Variants in RIGI observed in about 807,000 individuals in gnomAD.
RIGI encodes the protein antiviral innate immune response receptor RIG-I.
the RIGI span, among the ~76,000 whole-genome samples, chr9:32,496,937 C>A: frequency 6.6e-6 from 1 of 152,166 alleles, no homozygotes; most frequent in Admixed American, 6.5e-5. Context: ...AGTGCCACAT[C>A]ATTTTGATTG....
the RIGI span, among the ~76,000 whole-genome samples, chr9:32,512,984 A>G: frequency 6.6e-6 from 1 of 152,148 alleles, no homozygotes; most frequent in East Asian, 1.9e-4. Context: ...CTACAAAAAG[A>G]ATAAAATACC....
chr9:32,525,850 A>T, the RIGI span, among the ~76,000 whole-genome samples: 24 of 152,258 alleles, frequency 1.6e-4, no homozygotes, highest in Admixed American at 1.2e-3. Flanking sequence ...TAAGCAAGTC[A>T]CTTCACCTCG....
chr9:32,480,408 G>A, the RIGI span: 2 of 1,467,128 alleles, frequency 1.4e-6, no homozygotes, highest in East Asian at 4.8e-5. Context: ...CACATTCACT[G>A]TATTTAAGTT....
chr9:32,488,094 G>C, the RIGI span: 1 of 1,614,064 alleles, frequency 6.2e-7, no homozygotes. Flanking sequence ...CCCTTTTTAA[G>C]GTTGTTCACA....
chr9:32,471,892 G>A, the RIGI span, among the ~76,000 whole-genome samples: 719 of 152,162 alleles, frequency 4.7e-3, 3 homozygotes, highest in Non-Finnish European at 8.6e-3. Context: ...TCATATTTAT[G>A]AAGTTTAAAA....
At chr9:32,525,938 A>G in the RIGI span, 78 of 797,014 alleles carry the variant, frequency 9.8e-5, no homozygotes, top group South Asian at 8.9e-4. Flanking sequence ...TGCTGCGGAG[A>G]TCTTACCACA....
the RIGI span, among the ~76,000 whole-genome samples, chr9:32,483,310 A>G: frequency 6.6e-6 from 1 of 152,292 alleles, no homozygotes; most frequent in East Asian, 1.9e-4. Context: ...CTTCTTTCCA[A>G]GTTGCAGCTA....
At chr9:32,493,737 T>G in the RIGI span, 1 of 1,430,004 alleles carries the variant, frequency 7.0e-7, no homozygotes, top group Non-Finnish European at 9.6e-7. Flanking sequence ...TTTCCCCCAA[T>G]TTTAGTATTT....
At chr9:32,492,815 G>GA in the RIGI span, among the ~76,000 whole-genome samples, 4 of 151,984 alleles carry the variant, frequency 2.6e-5, no homozygotes, top group African/African-American at 9.7e-5. Context: ...GCAATATTAA[G>GA]AAAATAATCA....
the RIGI span, among the ~76,000 whole-genome samples, chr9:32,496,755 T>C: frequency 6.6e-6 from 1 of 152,254 alleles, no homozygotes; most frequent in Non-Finnish European, 1.5e-5. Flanking sequence ...AGAACTCTAA[T>C]ACATGGTATA....
chr9:32,459,518 A>C, the RIGI span: 1 of 1,601,684 alleles, frequency 6.2e-7, no homozygotes, highest in Non-Finnish European at 8.5e-7. Context: ...GCAGAATCTA[A>C]TGCAAAAAGA....
the RIGI span, chr9:32,476,959 T>A: frequency 6.3e-7 from 1 of 1,596,632 alleles, no homozygotes; most frequent in Non-Finnish European, 8.6e-7. Context: ...CCATTTGTTA[T>A]CTACAAGGAG....
the RIGI span, among the ~76,000 whole-genome samples, chr9:32,503,648 G>C: frequency 4.6e-4 from 70 of 152,186 alleles, no homozygotes; most frequent in African/African-American, 1.7e-3. Context: ...CCTGGCTCAC[G>C]CATGTGTCCA....
chr9:32,482,844 T>G, the RIGI span, among the ~76,000 whole-genome samples: 1 of 148,976 alleles, frequency 6.7e-6, no homozygotes, highest in Admixed American at 6.7e-5. Flanking sequence ...GGCGACAGAG[T>G]GAGACTCTTA....
At chr9:32,523,428 T>A in the RIGI span, among the ~76,000 whole-genome samples, 5 of 152,112 alleles carry the variant, frequency 3.3e-5, no homozygotes, top group Admixed American at 2.6e-4. Flanking sequence ...TAAATCCGAA[T>A]TTTTCTCCTC....
At chr9:32,465,122 G>A in the RIGI span, among the ~76,000 whole-genome samples, 1 of 152,126 alleles carries the variant, frequency 6.6e-6, no homozygotes, top group African/African-American at 2.4e-5. Flanking sequence ...TTTACAAAAT[G>A]GAAAGGTGGC....
the RIGI span, among the ~76,000 whole-genome samples, chr9:32,475,345 C>T: frequency 6.6e-6 from 1 of 151,896 alleles, no homozygotes; most frequent in Non-Finnish European, 1.5e-5. Flanking sequence ...GGCAAAGGAA[C>T]ATAGCTAAAA....
chr9:32,492,052 G>A, the RIGI span, among the ~76,000 whole-genome samples: 2 of 152,166 alleles, frequency 1.3e-5, no homozygotes, highest in Non-Finnish European at 2.9e-5. Context: ...GGTAAGTCCT[G>A]GAGTTTGAAC....
chr9:32,511,943 C>G, the RIGI span, among the ~76,000 whole-genome samples: 1 of 152,144 alleles, frequency 6.6e-6, no homozygotes, highest in Non-Finnish European at 1.5e-5. Flanking sequence ...TCACAGAATA[C>G]TATAAACACC....
Sources: allele counts gnomAD v4.1 joint callset (sites outside exome capture counted in the v4.1 genomes callset), GRCh38; gene constraint gnomAD v4.1.1; transcripts MANE v1.5; gene names NCBI Gene and HGNC (gene_info 2026-07-23, HGNC 2026-07-21).